The following SLIT3 variants were observed in gnomAD, a reference collection of about 807,000 sequenced individuals.
SLIT3 encodes slit guidance ligand 3.
In SLIT3, 68 loss-of-function variants were observed where a neutral mutation model predicts 184.0. The observed-to-expected ratio is 0.37, with a 90% CI of 0.30 to 0.45. SLIT3 has a LOEUF of 0.45. SLIT3 is among the 20% of genes least tolerant of loss of function. SLIT3 has a pLI of 1.00. For missense variants in SLIT3, 1,707 were observed against 2,026.0 expected (o/e 0.84, Z 3.02); for synonymous variants, 831 against 828.6 (o/e 1.00, Z -0.05).
chr5:168,688,889 C>A (rs777819188), intron 29 of SLIT3, among the ~76,000 whole-genome samples: 2 of 152,176 alleles, frequency 1.3e-5, no homozygotes, highest in Non-Finnish European at 2.9e-5. Context: ...TTCTCCAAGG[C>A]AATAATAGCT....
chr5:169,041,420 G>A (rs1388681559), intron 4 of SLIT3, among the ~76,000 whole-genome samples: 7 of 151,444 alleles, frequency 4.6e-5, no homozygotes, highest in Admixed American at 2.6e-4. Context: ...TACCATGGGA[G>A]TACAGCAGAG....
intron 4 of SLIT3, among the ~76,000 whole-genome samples, chr5:169,059,411 G>A (rs774289400): frequency 2.0e-5 from 3 of 152,158 alleles, no homozygotes; most frequent in East Asian, 1.9e-4. Context: ...CAATCCTACA[G>A]CACAGCCTGC....
chr5:169,240,408 G>A (rs1399930580), intron 3 of SLIT3, among the ~76,000 whole-genome samples: 1 of 150,448 alleles, frequency 6.6e-6, no homozygotes, highest in Non-Finnish European at 1.5e-5. Flanking sequence ...ATATTTTCAG[G>A]CTATGTTTTT....
chr5:168,720,597 G>GA (rs1762912164), intron 23 of SLIT3: 1 of 152,330 alleles, frequency 6.6e-6, no homozygotes, highest in Non-Finnish European at 1.5e-5. Flanking sequence ...AAGGAAGGGG[G>GA]AGCAGGTCCG....
intron 4 of SLIT3, among the ~76,000 whole-genome samples, chr5:168,968,254 C>A (rs373251849): frequency 1.3e-5 from 2 of 152,166 alleles, no homozygotes; most frequent in African/African-American, 4.8e-5. Flanking sequence ...CTTGCTTAAT[C>A]ATTACTCTTC....
At chr5:169,242,087 G>A (rs78813554) in intron 3 of SLIT3, among the ~76,000 whole-genome samples, 9,871 of 152,188 alleles carry the variant, frequency 0.065, 463 homozygotes, top group Middle Eastern at 0.16. Context: ...ACAATCCACC[G>A]TCATATTATT....
intron 4 of SLIT3, among the ~76,000 whole-genome samples, chr5:168,906,825 C>A (rs1761069699): frequency 6.6e-6 from 1 of 151,998 alleles, no homozygotes; most frequent in South Asian, 2.1e-4. Flanking sequence ...TCCTTGGGAG[C>A]AAGGCAGGGA....
At chr5:168,840,050 C>A (rs1210259233) in intron 6 of SLIT3, among the ~76,000 whole-genome samples, 1 of 152,174 alleles carries the variant, frequency 6.6e-6, no homozygotes, top group Non-Finnish European at 1.5e-5. Context: ...TAAGGTCCTA[C>A]CAGCGCCAAC....
chr5:169,220,011 T>G (rs550004614), intron 3 of SLIT3, among the ~76,000 whole-genome samples: 47 of 152,296 alleles, frequency 3.1e-4, no homozygotes, highest in African/African-American at 1.1e-3. Flanking sequence ...GTCTGCTCAC[T>G]CACACACGAG....
chr5:168,851,845 AAATGTCTGTTGACTC>A (rs1328195040), intron 5 of SLIT3, among the ~76,000 whole-genome samples: 20 of 152,292 alleles, frequency 1.3e-4, no homozygotes, highest in Admixed American at 7.8e-4. Flanking sequence ...CTAAACCTTA[AAATGTCTGTTGACTC>A]GCAAACCCAG....
chr5:169,223,689 T>C (rs1039548375), intron 3 of SLIT3, among the ~76,000 whole-genome samples: 8 of 152,272 alleles, frequency 5.3e-5, no homozygotes, highest in South Asian at 2.1e-4. Flanking sequence ...GGAGAGACCT[T>C]TGGAGATAAA....
chr5:169,053,453 T>A lies in SLIT3; in HGVS notation c.413+140026A>T, dbSNP rs186132346. On this transcript the variant is annotated intron_variant, in intron 4 of 35. Coordinates refer to ENST00000519560, the MANE Select transcript of SLIT3 (RefSeq NM_003062.4). ...TCCATTTCTTCCTCTCTAGGGGAGT[T>A]CTTTGGGCTACTAAGATTGCTTTGA... 4.6e-5 allele frequency among the ~76,000 whole-genome samples: 7 copies of A among 152,356 alleles called. No homozygotes were observed. The East Asian group carries it at 1.3e-3, about 29-fold the overall frequency.
chr5:169,049,782 CCTAAACT>C (rs1193409268), intron 4 of SLIT3, among the ~76,000 whole-genome samples: 2 of 152,146 alleles, frequency 1.3e-5, no homozygotes, highest in Non-Finnish European at 2.9e-5. Flanking sequence ...TAGACAGAAA[CCTAAACT>C]CTAAAGTGGG....
intron 4 of SLIT3, among the ~76,000 whole-genome samples, chr5:169,148,904 C>A (rs1762023675): frequency 6.6e-6 from 1 of 152,036 alleles, no homozygotes; most frequent in Non-Finnish European, 1.5e-5. Flanking sequence ...AATCACAATA[C>A]CTGCCATTTA....
At chr5:168,823,732 T>G (rs1178012249) in intron 6 of SLIT3, among the ~76,000 whole-genome samples, 1 of 152,138 alleles carries the variant, frequency 6.6e-6, no homozygotes, top group Non-Finnish European at 1.5e-5. Flanking sequence ...TCTACAAATG[T>G]GTTATCCTCA....
intron 4 of SLIT3, among the ~76,000 whole-genome samples, chr5:169,105,884 T>C (rs921465785): frequency 6.6e-6 from 1 of 152,204 alleles, no homozygotes; most frequent in Non-Finnish European, 1.5e-5. Flanking sequence ...TGATTCCATG[T>C]CTTTGCTATT....
chr5:168,933,084 A>T (rs970239659), intron 4 of SLIT3, among the ~76,000 whole-genome samples: 2 of 152,222 alleles, frequency 1.3e-5, no homozygotes, highest in African/African-American at 4.8e-5. Context: ...GGGATTGAAG[A>T]GAACACAGCA....
At chr5:168,821,822 A>G (rs1757542806) in intron 7 of SLIT3, among the ~76,000 whole-genome samples, 1 of 152,306 alleles carries the variant, frequency 6.6e-6, no homozygotes, top group South Asian at 2.1e-4. Context: ...AACTTGCTCA[A>G]ATTAAGTGGC....
At chr5:168,730,746 T>G (rs1048491949) in intron 20 of SLIT3, among the ~76,000 whole-genome samples, 1 of 151,916 alleles carries the variant, frequency 6.6e-6, no homozygotes, top group East Asian at 1.9e-4. Flanking sequence ...GGGAAGTTAA[T>G]AGCATTGAAT....
Sources: gnomAD v4.1 joint callset for allele counts (sites outside exome capture counted in the v4.1 genomes callset) on GRCh38, gnomAD v4.1.1 for gene constraint, MANE v1.5 for transcripts, NCBI Gene and HGNC (gene_info 2026-07-23, HGNC 2026-07-21) for gene names.